The following ACAP1 variants were observed in gnomAD, a reference collection of about 807,000 sequenced individuals.
ACAP1 encodes the protein arf-GAP with coiled-coil, ANK repeat and PH domain-containing protein 1.
Under a neutral mutation model 98.8 loss-of-function variants are expected in ACAP1, and 45 were observed. That is an observed-to-expected ratio of 0.46 (90% CI 0.36 to 0.58). The LOEUF is 0.58. ACAP1 is among the 20% of genes least tolerant of loss of function. The probability of loss-of-function intolerance (pLI) is 0.00; values close to 1 mark genes in which losing one functional copy is unlikely to be tolerated. For missense variants in ACAP1, 735 were observed against 971.4 expected (o/e 0.76, Z 3.24); for synonymous variants, 362 against 375.3 (o/e 0.96, Z 0.41).
intron 18 of ACAP1, 79 bp from the exon 19 acceptor site, chr17:7,349,866 C>T: frequency 8.4e-7 from 1 of 1,195,072 alleles, no homozygotes; most frequent in Non-Finnish European, 1.2e-6. Context: ...ATTCTCTGAA[C>T]TGGCGCCACC....
chr17:7,346,303 G>T lies in ACAP1; in HGVS notation c.906+8G>T. 6.2e-7 allele frequency: 1 copy of T among 1,614,154 alleles called. No individual in the cohort carries two copies. The highest frequency in any genetic ancestry group is 1.1e-5 in the South Asian group (1 of 91,060). ...TACCAGAAGAAGTACAAGGTGAGTGGACCTGGGTCCTGGATGCCTGGGCCC... is the reference window on the plus strand; with the variant it reads ...TACCAGAAGAAGTACAAGGTGAGTGTACCTGGGTCCTGGATGCCTGGGCCC... On this transcript the variant is annotated splice_region_variant and intron_variant, in intron 11 of 21. Transcript: ENST00000158762.
intron 2 of ACAP1, among the ~76,000 whole-genome samples, chr17:7,337,656 C>A (rs2073234841): frequency 2.0e-5 from 3 of 152,206 alleles, no homozygotes; most frequent in Middle Eastern, 3.4e-3. Flanking sequence ...GAGTTCTAGA[C>A]CAGCCTGGCT....
chr17:7,350,463 C>A lies in ACAP1; in HGVS notation c.2072+226C>A. ...GGAGGGCGGGCAGGGTGCAAGGATGCTTGGCCCACCCTGAGAGGCGTAATT... is the reference window on the plus strand; with the variant it reads ...GGAGGGCGGGCAGGGTGCAAGGATGATTGGCCCACCCTGAGAGGCGTAATT... On this transcript the variant is annotated intron_variant, in intron 20 of 21. Coordinates refer to ENST00000158762, the MANE Select transcript of ACAP1 (RefSeq NM_014716.4). The surrounding 1 kb of genome is among the most constrained non-coding windows in gnomAD (Gnocchi z 4.6). 1.7e-6 allele frequency: 1 copy of A among 579,246 alleles called. No homozygotes were observed. Among genetic ancestry groups the A allele is most frequent in the Non-Finnish European group, 3.1e-6 (1 of 325,166 alleles). The allele number at this position is 579,246 out of a possible 1,614,324, so 35.9% of individuals were successfully genotyped here. A position where few individuals can be genotyped will look rare whatever the true frequency, so the allele number is the denominator to read the frequency against.
rs747658913 is a variant in ACAP1, at chr17:7,342,327, C to A, written c.284C>A (p.Ala95Glu). 11 of 1,614,096 alleles carry A rather than the reference C, an allele frequency of 6.8e-6. 1 individual carries two copies. The South Asian group carries it at 8.8e-5, about 13-fold the overall frequency. ...CTGAACCACAAGCTGGACAGCCATG[C>A]GGTAAGTAGGGGAAGGTAAGGATTG... ...VSLNHKLDSH[A>E]ELLDATQHTL... The change falls in exon 4 of 22, where the codon GCG becomes GAG. Residue 95 changes from alanine to glutamate, a missense_variant and splice_region_variant. Physicochemically the swap from Ala to Glu is moderately radical, Grantham distance 107. This residue lies in a region of ACAP1 where 430 missense variants were observed against 531.8 expected (regional missense o/e 0.81). Transcript: ENST00000158762.
At chr17:7,347,423 G>A in intron 14 of ACAP1, 181 bp downstream of exon 14, 2 of 619,650 alleles carry the variant, frequency 3.2e-6, no homozygotes, top group East Asian at 3.0e-5. Context: ...GGACCCAGGC[G>A]GGCCTAGCCC....
rs544657157 is a variant in ACAP1, at chr17:7,342,764, C to T, written c.344+290C>T. On this transcript the variant is annotated intron_variant, in intron 5 of 21. Transcript: ENST00000158762. Reference sequence around the variant, plus strand: ...AAAAATACGAAAAAAAAAAATTAGCCGGGCATGGTGGCAGGTGCCTGTAAT... The same window carrying T: ...AAAAATACGAAAAAAAAAAATTAGCTGGGCATGGTGGCAGGTGCCTGTAAT... 8.7e-4 allele frequency: 393 copies of T among 452,432 alleles called. 3 individuals are homozygous for T. The highest frequency in any genetic ancestry group is 1.6e-3 in the African/African-American group (80 of 50,334). The allele number at this position is 452,432 out of a possible 1,614,324, so 28.0% of individuals were successfully genotyped here.
Position 7,351,324 on chromosome 17 carries a change from G to C in ACAP1, c.2152G>C (p.Asp718His). The change falls in exon 22 of 22, where the codon GAC becomes CAC. Residue 718 changes from aspartate to histidine, a missense_variant. Transcript: ENST00000158762. ...TGAGACGTATCTTGACATCTTCCGCGACTTCTCCCTCATGGCGTCAGACGA... is the reference window on the plus strand; with the variant it reads ...TGAGACGTATCTTGACATCTTCCGCCACTTCTCCCTCATGGCGTCAGACGA... ...GDETYLDIFR[D>H]FSLMASDDPE... 1 of 1,613,750 alleles carries C rather than the reference G, an allele frequency of 6.2e-7. No individual in the cohort carries two copies. Among genetic ancestry groups the C allele is most frequent in the Non-Finnish European group, 8.5e-7 (1 of 1,179,772 alleles).
rs747800806 is a variant in ACAP1 at position 7,348,329 on chromosome 17, A to G, written c.1532A>G (p.His511Arg). ...AGGCAGGAGAAGGAGGCCTGGATTC[A>G]CGCTAAATACGTGGAGAAGAAGTTC... The part of the protein sequence containing the change: ...CSRQEKEAWI[H>R]AKYVEKKFLT... Residue 511 changes from histidine to arginine, a missense_variant, in exon 17 of 22, where the codon CAC becomes CGC. Around this residue, in one of 5 missense-constraint regions of ACAP1, gnomAD observed 81 missense variants for 132.0 expected, o/e 0.61. Transcript: ENST00000158762. The G allele has an allele frequency of 1.7e-5, 27 of 1,574,832 alleles. No individual in the cohort carries two copies. The South Asian group carries it at 3.1e-4, about 18-fold the overall frequency.
chr17:7,343,194 A>G lies in ACAP1; in HGVS notation c.345-185A>G. The G allele has an allele frequency of 3.5e-6, 2 of 570,164 alleles. No homozygotes were observed. Among genetic ancestry groups the G allele is most frequent in the Non-Finnish European group, 6.0e-6 (2 of 332,596 alleles). 35.3% of individuals were successfully genotyped at this position (570,164 alleles called of 1,614,324 possible). A position where few individuals can be genotyped will look rare whatever the true frequency, so the allele number is the denominator to read the frequency against. ...GCTGCCCTCTTCCCATGGCCACAGGAGCCTCCCCAGTGACGGAGTTGTGAG... is the reference window on the plus strand; with the variant it reads ...GCTGCCCTCTTCCCATGGCCACAGGGGCCTCCCCAGTGACGGAGTTGTGAG... On this transcript the variant is annotated intron_variant, in intron 5 of 21. Transcript: ENST00000158762. The surrounding 1 kb of genome is among the most constrained non-coding windows in gnomAD (Gnocchi z 4.9).
intron 21 of ACAP1, 104 bp downstream of exon 21, chr17:7,351,103 A>G (rs1274230859): frequency 1.3e-5 from 16 of 1,270,100 alleles, no homozygotes; most frequent in Non-Finnish European, 1.8e-5. Flanking sequence ...TCATTCCGTT[A>G]TTTAACAAAT....
In ACAP1 at chr17:7,350,091, G is replaced by C; in HGVS notation, c.1962-36G>C. 6.2e-7 allele frequency: 1 copy of C among 1,613,518 alleles called. No homozygotes were observed. The highest frequency in any genetic ancestry group is 8.5e-7 in the Non-Finnish European group (1 of 1,179,502). On this transcript the variant is annotated intron_variant, in intron 19 of 21. Transcript: ENST00000158762. The surrounding 1 kb of genome is among the most constrained non-coding windows in gnomAD (Gnocchi z 4.6). ...GGCATGGGGAGGAAGGCTGGGAGAAGTTGGGCGGCCGGCTGACCCTGGCTC... is the reference window on the plus strand; with the variant it reads ...GGCATGGGGAGGAAGGCTGGGAGAACTTGGGCGGCCGGCTGACCCTGGCTC...
Position 7,349,102 on chromosome 17 carries a change from G to A in ACAP1, c.1786G>A (p.Ala596Thr), listed in dbSNP as rs1456496121. 6.2e-7 allele frequency: 1 copy of A among 1,613,960 alleles called. No homozygotes were observed. Among genetic ancestry groups the A allele is most frequent in the African/African-American group, 1.3e-5 (1 of 74,880 alleles). The change falls in exon 18 of 22, where the codon GCT becomes ACT. Residue 596 changes from alanine to threonine, a missense_variant. By Grantham distance (58) the Ala-to-Thr change is moderately conservative. Transcript: ENST00000158762. The stretch of plus-strand genomic sequence containing the variant: ...CATGGCTGATGCCCTTGCCCATGGA[G>A]CTGATGTCAACTGGGTCAATGGGGG... ...PTMADALAHG[A>T]DVNWVNGGQD...
At position 7,347,117 on chromosome 17, in the gene ACAP1, CGTG is replaced by C; in HGVS notation, c.1223_1225del (p.Val408del). On this transcript the variant is annotated inframe_deletion, in exon 14 of 22. Coordinates refer to ENST00000158762, the MANE Select transcript of ACAP1 (RefSeq NM_014716.4). ...GAAGGGAGCCTGGGGGAGTCGGGCA[CGTG>C]GTGGCCCAGGTCCAGAGTGTGGATG... The C allele has an allele frequency of 1.2e-6, 2 of 1,613,880 alleles. No homozygotes were observed. The highest frequency in any genetic ancestry group is 1.7e-6 in the Non-Finnish European group (2 of 1,179,882).
rs2073396721 is a variant in ACAP1, at chr17:7,350,600, G to A, written c.2073-350G>A. On this transcript the variant is annotated intron_variant, in intron 20 of 21. Coordinates refer to ENST00000158762, the MANE Select transcript of ACAP1 (RefSeq NM_014716.4). The surrounding 1 kb of genome is among the most constrained non-coding windows in gnomAD (Gnocchi z 4.6). Reference sequence around the variant, plus strand: ...CAAAGGATGGGAAGTTGTGGGGGAGGTGAGGATAGTCTTTTTTTTTTTTTT... The same window carrying A: ...CAAAGGATGGGAAGTTGTGGGGGAGATGAGGATAGTCTTTTTTTTTTTTTT... The A allele has an allele frequency of 2.4e-6, 1 of 416,754 alleles. No individual in the cohort carries two copies. The highest frequency in any genetic ancestry group is 4.3e-6 in the Non-Finnish European group (1 of 233,660). 25.8% of individuals were successfully genotyped at this position (416,754 alleles called of 1,614,324 possible). A position where few individuals can be genotyped will look rare whatever the true frequency, so the allele number is the denominator to read the frequency against.
rs756077204 is a variant in ACAP1 at position 7,347,006 on chromosome 17, C to T, written c.1132-25C>T. ...CCCTTTACCCTAGGCCCCTTGGCCACCCTTTCTTCCCCTCTCTCCCCCAGG... is the reference window on the plus strand; with the variant it reads ...CCCTTTACCCTAGGCCCCTTGGCCATCCTTTCTTCCCCTCTCTCCCCCAGG... On this transcript the variant is annotated intron_variant, in intron 13 of 21. Coordinates refer to ENST00000158762, the MANE Select transcript of ACAP1 (RefSeq NM_014716.4). 9 of 1,568,286 alleles carry T rather than the reference C, an allele frequency of 5.7e-6. No individual in the cohort carries two copies. In the South Asian group the frequency reaches 8.2e-5, roughly 14 times the overall value.
At position 7,348,343 on chromosome 17, in the gene ACAP1, GAGA is replaced by G. The variant is rs766786863; in HGVS notation, c.1552_1554del (p.Lys518del). On this transcript the variant is annotated inframe_deletion, in exon 17 of 22. Transcript: ENST00000158762. ...GGCCTGGATTCACGCTAAATACGTG[GAGA>G]AGAAGTTCCTGACCAAGCTGCCTGA... 18 of 1,574,970 alleles carry G rather than the reference GAGA, an allele frequency of 1.1e-5. No homozygotes were observed. The highest frequency in any genetic ancestry group is 2.3e-5 in the East Asian group (1 of 44,364).
Position 7,343,952 on chromosome 17 carries a change from C to G in ACAP1, c.665C>G (p.Ala222Gly). 6.3e-7 allele frequency: 1 copy of G among 1,588,380 alleles called. No individual in the cohort carries two copies. The highest frequency in any genetic ancestry group is 8.6e-7 in the Non-Finnish European group (1 of 1,166,794). Residue 222 changes from alanine (A) to glycine (G), a missense_variant, in exon 8 of 22, where the codon GCC becomes GGC. Coordinates refer to ENST00000158762, the MANE Select transcript of ACAP1 (RefSeq NM_014716.4). The surrounding 1 kb of genome is among the most constrained non-coding windows in gnomAD (Gnocchi z 4.9). ...RLSQYRKELG[A>G]QLHQLVLNSA... ...TCCCAGTATCGAAAGGAGCTGGGCG[C>G]CCAGGTGGGGCCCCAGGGCACAGCA...
chr17:7,349,727 T>C (rs1274781196), intron 18 of ACAP1: 2 of 486,170 alleles, frequency 4.1e-6, no homozygotes, highest in African/African-American at 3.9e-5. Context: ...TGTAAAATAG[T>C]AACATACCTC....
In ACAP1 at chr17:7,342,624, G is replaced by A. The variant is rs1221440170; in HGVS notation, c.344+150G>A. 3 of 903,620 alleles carry A rather than the reference G, an allele frequency of 3.3e-6. No homozygotes were observed. The African/African-American group carries it at 5.0e-5, about 15-fold the overall frequency. The allele number at this position is 903,620 out of a possible 1,614,324, so 56.0% of individuals were successfully genotyped here. A position where few individuals can be genotyped will look rare whatever the true frequency, so the allele number is the denominator to read the frequency against. ...ACAAAAAATACAAAAATTAGGCCGG[G>A]CACGGTGGCTCATGCCTATGATCCC... On this transcript the variant is annotated intron_variant, in intron 5 of 21. Transcript: ENST00000158762.
Sources: gnomAD v4.1 joint callset for allele counts (sites outside exome capture counted in the v4.1 genomes callset) on GRCh38, gnomAD v4.1.1 for gene constraint, gnomAD v4.1.1 regional missense constraint, Gnocchi (gnomAD v3.1) non-coding constraint, MANE v1.5 for transcripts, NCBI Gene and HGNC (gene_info 2026-07-23, HGNC 2026-07-21) for gene names.